The following SYN3 variants were observed in gnomAD, a reference collection of about 807,000 sequenced individuals.
SYN3 encodes the protein synapsin-3.
In SYN3, 35 loss-of-function variants were observed where a neutral mutation model predicts 65.8. The ratio of observed to expected loss-of-function variants is 0.53; its 90% confidence interval spans 0.41 to 0.70. The LOEUF (loss-of-function observed/expected upper bound fraction) is 0.70, where lower values mean the gene tolerates loss of function less well. Among genes scored for constraint, SYN3 ranks in the 30% least tolerant of loss-of-function variants. The pLI is 0.00. For missense variants in SYN3, 680 were observed against 749.0 expected (o/e 0.91, Z 1.08); for synonymous variants, 270 against 292.9 (o/e 0.92, Z 0.80).
At chr22:32,805,939 G>A (rs1201085977) in intron 6 of SYN3, among the ~76,000 whole-genome samples, 2 of 151,902 alleles carry the variant, frequency 1.3e-5, no homozygotes, top group Non-Finnish European at 2.9e-5. Flanking sequence ...TCTTTAGGGA[G>A]GGAGAGCTTA....
chr22:32,738,980 T>A (rs989947564), intron 6 of SYN3, among the ~76,000 whole-genome samples: 1 of 152,250 alleles, frequency 6.6e-6, no homozygotes, highest in Non-Finnish European at 1.5e-5. Flanking sequence ...ATAAAGGTGA[T>A]ATTTTCTTTC....
At chr22:32,921,687 C>T (rs1408042319) in intron 4 of SYN3, among the ~76,000 whole-genome samples, 1 of 152,186 alleles carries the variant, frequency 6.6e-6, no homozygotes, top group Non-Finnish European at 1.5e-5. Flanking sequence ...TCAGTTTCTT[C>T]CTCTCTAAAT....
chr22:32,753,414 C>T (rs1165035434), intron 6 of SYN3, among the ~76,000 whole-genome samples: 2 of 152,252 alleles, frequency 1.3e-5, no homozygotes, highest in East Asian at 3.9e-4. Context: ...CCTGACTGCC[C>T]CATGACGATG....
At chr22:33,046,516 G>C (rs976621308) in intron 1 of SYN3, among the ~76,000 whole-genome samples, 4 of 151,930 alleles carry the variant, frequency 2.6e-5, no homozygotes, top group African/African-American at 4.8e-5. Context: ...TCAGGAGTTC[G>C]AGACCAGCCT....
At chr22:32,873,394 C>A (rs2048902144) in intron 4 of SYN3, among the ~76,000 whole-genome samples, 1 of 152,088 alleles carries the variant, frequency 6.6e-6, no homozygotes, top group Non-Finnish European at 1.5e-5. Context: ...GTGCTGGAAG[C>A]CTTGGTCTTA....
intron 7 of SYN3, among the ~76,000 whole-genome samples, chr22:32,547,511 A>C (rs2058352492): frequency 1.3e-5 from 2 of 150,112 alleles, no homozygotes; most frequent in African/African-American, 4.9e-5. Flanking sequence ...CCTTCCCCTC[A>C]TGGTCTCCCC....
chr22:32,657,484 G>C (rs1411135832), intron 6 of SYN3, among the ~76,000 whole-genome samples: 1 of 152,206 alleles, frequency 6.6e-6, no homozygotes, highest in Non-Finnish European at 1.5e-5. Flanking sequence ...AAGCCACTGA[G>C]AGAGACACAG....
At chr22:32,737,451 T>G (rs754629024) in intron 6 of SYN3, among the ~76,000 whole-genome samples, 6 of 152,200 alleles carry the variant, frequency 3.9e-5, no homozygotes, top group Admixed American at 3.9e-4. Flanking sequence ...TATCTCCTAA[T>G]GCTATCCCTC....
intron 6 of SYN3, among the ~76,000 whole-genome samples, chr22:32,840,946 G>C (rs2047883176): frequency 6.6e-6 from 1 of 152,132 alleles, no homozygotes; most frequent in Non-Finnish European, 1.5e-5. Context: ...TCACAATACT[G>C]AAACACCTTC....
intron 3 of SYN3, among the ~76,000 whole-genome samples, chr22:32,967,858 T>C (rs982276964): frequency 5.9e-5 from 9 of 152,020 alleles, no homozygotes; most frequent in Non-Finnish European, 1.3e-4. Context: ...CCCCAAATGG[T>C]ACAGACAACA....
intron 3 of SYN3, among the ~76,000 whole-genome samples, chr22:32,953,402 AAG>A (rs2051350400): frequency 6.6e-6 from 1 of 152,152 alleles, no homozygotes; most frequent in Non-Finnish European, 1.5e-5. Context: ...TGGGAGAGGA[AAG>A]AGAAACACTG....
intron 6 of SYN3, among the ~76,000 whole-genome samples, chr22:32,752,477 G>A (rs1038197014): frequency 6.6e-5 from 10 of 152,118 alleles, no homozygotes; most frequent in African/African-American, 2.4e-4. Context: ...CAAGGTTGTG[G>A]GTCTGAGCTG....
chr22:32,869,367 T>TCTCTCACA (rs61464794), intron 4 of SYN3, among the ~76,000 whole-genome samples: 2 of 142,360 alleles, frequency 1.4e-5, no homozygotes, highest in East Asian at 4.4e-4. Context: ...TCTCTCTCTC[T>TCTCTCACA]CACAGGCTCT....
At chr22:32,687,617 T>C (rs2060608686) in intron 6 of SYN3, among the ~76,000 whole-genome samples, 2 of 152,198 alleles carry the variant, frequency 1.3e-5, no homozygotes, top group African/African-American at 4.8e-5. Flanking sequence ...AAAACTTTGG[T>C]TGGTTTCCAA....
chr22:32,775,084 G>A (rs756187924), intron 6 of SYN3, among the ~76,000 whole-genome samples: 9 of 152,178 alleles, frequency 5.9e-5, no homozygotes, highest in Non-Finnish European at 8.8e-5. Context: ...CTGGAGGCTG[G>A]ATGTCCAAGA....
chr22:32,900,514 A>C (rs1320072603), intron 4 of SYN3, among the ~76,000 whole-genome samples: 5 of 152,220 alleles, frequency 3.3e-5, no homozygotes, highest in Non-Finnish European at 7.3e-5. Context: ...GAACAACAAA[A>C]ACAACAAAAA....
chr22:32,963,080 CTTT>C (rs34940764), intron 3 of SYN3, among the ~76,000 whole-genome samples: 1 of 140,366 alleles, frequency 7.1e-6, no homozygotes, highest in African/African-American at 2.6e-5. Context: ...TTACAAAATA[CTTT>C]TTTTTTTTTT....
At chr22:32,578,915 A>G (rs767052842) in intron 7 of SYN3, among the ~76,000 whole-genome samples, 4 of 152,198 alleles carry the variant, frequency 2.6e-5, no homozygotes, top group Non-Finnish European at 5.9e-5. Flanking sequence ...CACAGACATT[A>G]TGTGCACAAA....
At chr22:33,017,583 A>G (rs1172828285) in intron 1 of SYN3, among the ~76,000 whole-genome samples, 1 of 151,908 alleles carries the variant, frequency 6.6e-6, no homozygotes, top group Non-Finnish European at 1.5e-5. Flanking sequence ...AAGGTCTTTC[A>G]CCTCCTTGGT....
Sources: allele counts gnomAD v4.1 joint callset (sites outside exome capture counted in the v4.1 genomes callset), GRCh38; gene constraint gnomAD v4.1.1; transcripts MANE v1.5; gene names NCBI Gene and HGNC (gene_info 2026-07-23, HGNC 2026-07-21).